Variants in CSMD3 observed in about 807,000 individuals in gnomAD.
CSMD3 encodes the protein CUB and Sushi multiple domains 3.
In CSMD3, 177 loss-of-function variants were observed where a neutral mutation model predicts 435.2. The observed-to-expected ratio is 0.41, with a 90% CI of 0.36 to 0.46. CSMD3 has a LOEUF of 0.46. Ranked by LOEUF, CSMD3 falls within the 20% of genes least tolerant of loss-of-function variation. CSMD3 has a pLI of 0.34. For missense variants in CSMD3, 4,265 were observed against 4,504.6 expected, an observed-to-expected ratio of 0.95 and a Z score of 1.52; for synonymous variants, 1,656 against 1,520.5, an observed-to-expected ratio of 1.09 and a Z score of -2.07.
chr8:112,255,215 C>A (rs201928644), intron 62 of CSMD3, 39 bp downstream of exon 62: 1 of 1,524,282 alleles, frequency 6.6e-7, no homozygotes, highest in East Asian at 2.3e-5. Flanking sequence ...CTATTAATTA[C>A]ACAGTTACTG....
chr8:112,681,758 T>C (rs2075900957), intron 16 of CSMD3, among the ~76,000 whole-genome samples: 1 of 152,014 alleles, frequency 6.6e-6, no homozygotes, highest in Non-Finnish European at 1.5e-5. Context: ...TCCCAGCTAC[T>C]AGGGAGGCTG....
Position 112,918,881 on chromosome 8 carries a change from C to A in CSMD3, c.1633+2746G>T, listed in dbSNP as rs189551106. 5.3e-4 allele frequency among the ~76,000 whole-genome samples: 80 copies of A among 151,960 alleles called. No individual in the cohort carries two copies. The East Asian group carries it at 0.014, about 27-fold the overall frequency. On this transcript the variant is annotated intron_variant, in intron 10 of 70. Transcript: ENST00000297405. ...CTCTCAAAGGTGCAGTGCACTGATA[C>A]TGCAATTTATGCTGTTGTCTGGAAA...
At chr8:112,673,433 C>G (rs66817037) in intron 16 of CSMD3, among the ~76,000 whole-genome samples, 57,689 of 151,756 alleles carry the variant, frequency 0.38, 12,373 homozygotes, top group African/African-American at 0.59. Context: ...TATTAAATTA[C>G]ATTATTCTAT....
At chr8:112,949,754 C>T (rs1334375134) in intron 8 of CSMD3, among the ~76,000 whole-genome samples, 2 of 152,004 alleles carry the variant, frequency 1.3e-5, no homozygotes, top group Non-Finnish European at 2.9e-5. Flanking sequence ...TCCAATTATT[C>T]TAGATTTTCT....
At chr8:112,265,167 A>T (rs1816818533) in intron 60 of CSMD3, among the ~76,000 whole-genome samples, 1 of 151,954 alleles carries the variant, frequency 6.6e-6, no homozygotes, top group African/African-American at 2.4e-5. Context: ...TATTTTACTT[A>T]TTTTTGTTAC....
chr8:112,348,965 T>A (rs950907830), intron 40 of CSMD3, among the ~76,000 whole-genome samples: 3 of 152,088 alleles, frequency 2.0e-5, no homozygotes, highest in Admixed American at 1.3e-4. Context: ...CCTGTAATAA[T>A]AGAGTGGTAT....
intron 59 of CSMD3, among the ~76,000 whole-genome samples, chr8:112,274,747 A>G (rs1817869750): frequency 6.6e-6 from 1 of 152,212 alleles, no homozygotes; most frequent in African/African-American, 2.4e-5. Context: ...GTAGAAATGG[A>G]CCACAAGACA....
At position 113,226,557 on chromosome 8, in the gene CSMD3, A is replaced by G. The variant is rs182509663; in HGVS notation, c.514+52035T>C. Among the ~76,000 whole-genome samples, 777 of 151,650 alleles carry G rather than the reference A, an allele frequency of 5.1e-3. 10 individuals are homozygous for G. The highest frequency in any genetic ancestry group is 0.018 in the African/African-American group (750 of 41,470). ...GGTTCGTTTTTCTGGCCATTGTTGA[A>G]TGACTTGTCCAGCCAGTGTTCTGCA... On this transcript the variant is annotated intron_variant, in intron 3 of 70. Transcript: ENST00000297405.
At chr8:112,949,656 G>A (rs1351734429) in intron 8 of CSMD3, among the ~76,000 whole-genome samples, 1 of 151,938 alleles carries the variant, frequency 6.6e-6, no homozygotes, top group Admixed American at 6.6e-5. Flanking sequence ...ATGCTTTTAT[G>A]ATTCCATTTT....
intron 4 of CSMD3, among the ~76,000 whole-genome samples, chr8:113,140,219 T>C (rs2091515216): frequency 6.6e-6 from 1 of 150,800 alleles, no homozygotes; most frequent in Non-Finnish European, 1.5e-5. Context: ...TAAATGTGTA[T>C]GCACCAAAAA....
intron 7 of CSMD3, among the ~76,000 whole-genome samples, chr8:112,969,107 T>C (rs2084539241): frequency 6.6e-6 from 1 of 151,994 alleles, no homozygotes; most frequent in South Asian, 2.1e-4. Context: ...TAAAAGAGTG[T>C]TACACCAGTT....
intron 9 of CSMD3, among the ~76,000 whole-genome samples, chr8:112,939,578 G>A (rs1212057591): frequency 3.3e-5 from 5 of 151,992 alleles, no homozygotes; most frequent in Middle Eastern, 3.4e-3. Flanking sequence ...CAAATCCCAC[G>A]CTTTTACAGA....
intron 5 of CSMD3, among the ~76,000 whole-genome samples, chr8:113,049,504 A>G (rs2087992740): frequency 6.6e-6 from 1 of 152,196 alleles, no homozygotes. Flanking sequence ...CTTTAACATA[A>G]TGTTGACAGA....
chr8:112,240,001 A>G (rs1813969416), intron 66 of CSMD3, among the ~76,000 whole-genome samples: 1 of 152,008 alleles, frequency 6.6e-6, no homozygotes, highest in African/African-American at 2.4e-5. Context: ...TAAGGCTACA[A>G]ATTTCCCTCT....
chr8:113,119,404 T>G (rs971995526), intron 4 of CSMD3, among the ~76,000 whole-genome samples: 2 of 152,110 alleles, frequency 1.3e-5, no homozygotes, highest in Admixed American at 1.3e-4. Flanking sequence ...AAGTTAGTAA[T>G]TTGCCCAAGT....
intron 20 of CSMD3, among the ~76,000 whole-genome samples, chr8:112,639,325 T>G (rs1313260181): frequency 1.3e-5 from 2 of 152,154 alleles, no homozygotes; most frequent in Non-Finnish European, 2.9e-5. Flanking sequence ...AGCACTTAAC[T>G]TCCAAATATG....
intron 9 of CSMD3, among the ~76,000 whole-genome samples, chr8:112,923,377 C>T (rs1403275567): frequency 1.3e-5 from 2 of 152,102 alleles, no homozygotes; most frequent in Admixed American, 6.6e-5. Context: ...TTGGTCTCTG[C>T]TAATTTGCAG....
chr8:112,365,477 T>A lies in CSMD3; in HGVS notation c.6137-12943A>T, dbSNP rs1229339903. On this transcript the variant is annotated intron_variant, in intron 38 of 70. Coordinates refer to ENST00000297405, the MANE Select transcript of CSMD3 (RefSeq NM_198123.2). The stretch of plus-strand genomic sequence containing the variant: ...ATTACGCATAGATTTCCTTTTTTTT[T>A]TTTTTTTTTTTTTTTACCAAATGGA... Among the ~76,000 whole-genome samples, 125 of 148,788 alleles carry A rather than the reference T, an allele frequency of 8.4e-4. 1 individual carries two copies. Among genetic ancestry groups the A allele is most frequent in the African/African-American group, 3.0e-3 (122 of 40,700 alleles).
intron 18 of CSMD3, among the ~76,000 whole-genome samples, 161 bp from the exon 19 acceptor site, chr8:112,650,510 T>C (rs2075098614): frequency 6.6e-6 from 1 of 152,216 alleles, no homozygotes; most frequent in African/African-American, 2.4e-5. Flanking sequence ...AAATTTGTTT[T>C]CTCATTTCCT....
Sources: allele counts gnomAD v4.1 joint callset (sites outside exome capture counted in the v4.1 genomes callset), GRCh38; gene constraint gnomAD v4.1.1; transcripts MANE v1.5; gene names NCBI Gene and HGNC (gene_info 2026-07-23, HGNC 2026-07-21).